Variants in SGCZ observed in about 807,000 individuals in gnomAD.
SGCZ encodes sarcoglycan zeta, also known as zeta-sarcoglycan.
A neutral mutation model predicts 41.3 loss-of-function variants in SGCZ; 40 were observed. The observed-to-expected ratio is 0.97, with a 90% CI of 0.75 to 1.26. SGCZ has a LOEUF of 1.26. Ranked by LOEUF, SGCZ falls within the 50% of genes most tolerant of loss-of-function variation. SGCZ has a pLI of 0.00. For missense variants in SGCZ, 552 were observed against 369.8 expected, an observed-to-expected ratio of 1.49 and a Z score of -4.04; for synonymous variants, 206 against 137.5, an observed-to-expected ratio of 1.50 and a Z score of -3.49.
chr8:14,977,900 CACACACACACAT>C (rs757142539), intron 1 of SGCZ, among the ~76,000 whole-genome samples: 241 of 150,130 alleles, frequency 1.6e-3, no homozygotes, highest in Non-Finnish European at 2.8e-3. Context: ...CACACACACA[CACACACACACAT>C]ATATACACAC....
chr8:15,077,983 G>T lies in SGCZ; in HGVS notation c.39+159602C>A, dbSNP rs184626700. ...GGATAAGGAACCTGCACAGGGTCTTGCTTGGGCATACCCACACTGGACTGG... is the reference window on the plus strand; with the variant it reads ...GGATAAGGAACCTGCACAGGGTCTTTCTTGGGCATACCCACACTGGACTGG... On this transcript the variant is annotated intron_variant, in intron 1 of 7. Transcript: ENST00000382080. Among the ~76,000 whole-genome samples, 145 of 133,634 alleles carry T rather than the reference G, an allele frequency of 1.1e-3. 1 individual carries two copies. The highest frequency in any genetic ancestry group is 3.8e-3 in the Middle Eastern group (1 of 266). 87.7% of individuals were successfully genotyped at this position (133,634 alleles called of 152,430 possible).
intron 3 of SGCZ, among the ~76,000 whole-genome samples, chr8:14,321,997 A>T (rs1045051609): frequency 2.6e-5 from 4 of 152,260 alleles, no homozygotes; most frequent in Middle Eastern, 3.4e-3. Context: ...AGTAAATGAC[A>T]TTCATGGACA....
chr8:14,593,389 A>G (rs1805301596), intron 1 of SGCZ, among the ~76,000 whole-genome samples: 1 of 152,156 alleles, frequency 6.6e-6, no homozygotes, highest in Admixed American at 6.6e-5. Flanking sequence ...CAGACACAGA[A>G]CTTCTGGCGT....
intron 2 of SGCZ, among the ~76,000 whole-genome samples, chr8:14,455,405 T>C (rs1413053630): frequency 6.6e-6 from 1 of 151,680 alleles, no homozygotes. Context: ...CACATATTGC[T>C]GGTAGAAATG....
chr8:14,674,089 A>G (rs1281887868), intron 1 of SGCZ, among the ~76,000 whole-genome samples: 4 of 152,292 alleles, frequency 2.6e-5, no homozygotes, highest in African/African-American at 9.6e-5. Context: ...AGAAATTAGT[A>G]TAAACTGTTA....
chr8:14,721,400 T>G (rs1244888356), intron 1 of SGCZ, among the ~76,000 whole-genome samples: 2 of 152,184 alleles, frequency 1.3e-5, no homozygotes, highest in African/African-American at 4.8e-5. Flanking sequence ...ATTCGTGCTT[T>G]TATCTGAAAA....
chr8:14,444,326 G>A (rs1489745659), intron 2 of SGCZ, among the ~76,000 whole-genome samples: 4 of 152,010 alleles, frequency 2.6e-5, no homozygotes, highest in Non-Finnish European at 4.4e-5. Flanking sequence ...ATACCCAAAG[G>A]GCTATAAATC....
intron 1 of SGCZ, among the ~76,000 whole-genome samples, chr8:15,147,485 T>G (rs1255358631): frequency 6.6e-6 from 1 of 151,950 alleles, no homozygotes; most frequent in Non-Finnish European, 1.5e-5. Flanking sequence ...TCCATGTTCG[T>G]CAGGCTGGTC....
chr8:14,172,464 G>T (rs548549804), intron 4 of SGCZ, among the ~76,000 whole-genome samples: 2 of 152,270 alleles, frequency 1.3e-5, no homozygotes, highest in South Asian at 2.1e-4. Flanking sequence ...TAAACTGAAA[G>T]GATTATTGGT....
intron 1 of SGCZ, among the ~76,000 whole-genome samples, chr8:15,140,085 A>G (rs1050749899): frequency 6.6e-6 from 1 of 151,942 alleles, no homozygotes; most frequent in Non-Finnish European, 1.5e-5. Context: ...CACTGATGCA[A>G]TCTTGGCTCT....
At chr8:15,007,797 G>A (rs1378752437) in intron 1 of SGCZ, among the ~76,000 whole-genome samples, 1 of 152,034 alleles carries the variant, frequency 6.6e-6, no homozygotes, top group Non-Finnish European at 1.5e-5. Context: ...AAAATAGATA[G>A]CAGCATTTAT....
intron 1 of SGCZ, among the ~76,000 whole-genome samples, chr8:15,208,192 G>A (rs1168579783): frequency 6.6e-6 from 1 of 152,184 alleles, no homozygotes; most frequent in Non-Finnish European, 1.5e-5. Flanking sequence ...AGAGATCAAA[G>A]ACAGTAATCC....
At chr8:14,609,508 T>C (rs1028248856) in intron 1 of SGCZ, among the ~76,000 whole-genome samples, 1 of 152,230 alleles carries the variant, frequency 6.6e-6, no homozygotes, top group Non-Finnish European at 1.5e-5. Flanking sequence ...AAGTACTGCA[T>C]GAAAAATTTA....
At chr8:15,186,040 G>A (rs113400439) in intron 1 of SGCZ, among the ~76,000 whole-genome samples, 8 of 148,914 alleles carry the variant, frequency 5.4e-5, no homozygotes, top group East Asian at 2.0e-4. Context: ...TGGCTAACAC[G>A]GTGAAACCCC....
intron 3 of SGCZ, among the ~76,000 whole-genome samples, chr8:14,249,863 T>C (rs971476636): frequency 1.3e-5 from 2 of 152,156 alleles, no homozygotes; most frequent in African/African-American, 2.4e-5. Context: ...GATGGCAAGA[T>C]TTTGAGCCAG....
At chr8:15,023,411 C>G (rs1803328780) in intron 1 of SGCZ, among the ~76,000 whole-genome samples, 1 of 152,150 alleles carries the variant, frequency 6.6e-6, no homozygotes, top group African/African-American at 2.4e-5. Context: ...GATGCAAAGA[C>G]TCGCGCCTTC....
intron 1 of SGCZ, among the ~76,000 whole-genome samples, chr8:14,778,093 A>AT (rs906511787): frequency 9.9e-5 from 15 of 151,124 alleles, no homozygotes; most frequent in African/African-American, 2.4e-4. Context: ...CTGGCTAATA[A>AT]TTTTTTTTTG....
chr8:14,387,065 T>G (rs1031919880), intron 2 of SGCZ, among the ~76,000 whole-genome samples: 1 of 152,142 alleles, frequency 6.6e-6, no homozygotes. Context: ...CACATTTATG[T>G]TTGTTTGCTT....
intron 6 of SGCZ, 114 bp downstream of exon 6, chr8:14,108,049 A>T: frequency 2.5e-6 from 2 of 809,068 alleles, no homozygotes; most frequent in South Asian, 1.9e-5. Context: ...TTTTGTATTT[A>T]TTTTAAGTAT....
Sources: allele counts gnomAD v4.1 joint callset (sites outside exome capture counted in the v4.1 genomes callset), GRCh38; gene constraint gnomAD v4.1.1; transcripts MANE v1.5; gene names NCBI Gene and HGNC (gene_info 2026-07-23, HGNC 2026-07-21).